PLXNB3: variants seen among roughly 807,000 people sequenced by gnomAD.
PLXNB3 encodes plexin-B3.
PLXNB3 carries 80 observed loss-of-function variants against 125.7 expected under a neutral mutation model. The observed-to-expected ratio is 0.64, with a 90% CI of 0.53 to 0.77. The LOEUF (loss-of-function observed/expected upper bound fraction) is 0.77, where lower values mean the gene tolerates loss of function less well. PLXNB3 is among the 30% of genes least tolerant of loss of function. The probability of loss-of-function intolerance (pLI) is 0.00; values close to 1 mark genes in which losing one functional copy is unlikely to be tolerated. For synonymous variants in PLXNB3, 954 were observed against 783.3 expected (o/e 1.22, Z -3.64); for missense variants, 1,836 against 1,729.3 (o/e 1.06, Z -1.09).
intron 2 of PLXNB3, chrX:153,766,515 C>T (rs1174426629): frequency 1.9e-6 from 2 of 1,035,104 alleles, no homozygotes; most frequent in Admixed American, 9.5e-5. Context: ...CTGTGACTCA[C>T]AGTCCCTCTG....
intron 1 of PLXNB3, among the ~76,000 whole-genome samples, chrX:153,764,508 A>T (rs7888752): frequency 0.016 from 1,855 of 112,784 alleles, 33 homozygotes; most frequent in African/African-American, 0.056. Flanking sequence ...GTGGGGAACC[A>T]TGTTTCTTCC....
intron 23 of PLXNB3, 26 bp downstream of exon 23, chrX:153,774,832 G>A: frequency 8.3e-7 from 1 of 1,209,474 alleles, no homozygotes. Context: ...GGGGGACAGG[G>A]TACCCACGAG....
In PLXNB3 at chrX:153,771,011, T is replaced by C. The variant is rs1195633753; in HGVS notation, c.2183T>C (p.Leu728Pro). 8.3e-7 allele frequency: 1 copy of C among 1,209,755 alleles called. No individual in the cohort carries two copies. The highest frequency in any genetic ancestry group is 1.1e-6 in the Non-Finnish European group (1 of 895,286). ...FHCWLELPGE[L>P]RGLPATLEET... ...TGCTGGCTGGAGCTGCCTGGAGAAC[T>C]TCGGGGACTGCCGGCCACCCTGGAG... is the stretch of plus-strand genomic sequence containing the variant. Residue 728 changes from leucine to proline, a missense_variant, in exon 12 of 36, where the codon CTT (leucine) becomes CCT (proline). By Grantham distance (98) the Leu-to-Pro change is moderately conservative (BLOSUM62 -3). Coordinates refer to ENST00000361971, the MANE Select transcript of PLXNB3 (RefSeq NM_005393.3).
Position 153,778,916 on chromosome X carries a change from C to A in PLXNB3, c.5626-19C>A. The A allele has an allele frequency of 1.8e-6, 2 of 1,134,969 alleles. No individual in the cohort carries two copies. The highest frequency in any genetic ancestry group is 4.2e-5 in the South Asian group (2 of 47,184). 93.5% of individuals were successfully genotyped at this position (1,134,969 alleles called of 1,213,427 possible). The stretch of plus-strand genomic sequence containing the variant: ...GCAGAGGGGCAGGCTCAGACAGGCA[C>A]CCTCCTCTGCCCGGGCAGATTATCA... On this transcript the variant is annotated intron_variant, in intron 35 of 35. Coordinates refer to ENST00000361971, the MANE Select transcript of PLXNB3 (RefSeq NM_005393.3).
In PLXNB3 at chrX:153,767,565, C is replaced by A; in HGVS notation, c.738C>A (p.Phe246Leu). 1 of 1,173,417 alleles carries A rather than the reference C, an allele frequency of 8.5e-7. No individual in the cohort carries two copies. Residue 246 changes from phenylalanine to leucine, a missense_variant, in exon 3 of 36, where the codon TTC (phenylalanine) becomes TTA (leucine). Physicochemically the swap from Phe to Leu is conservative, Grantham distance 22. Transcript: ENST00000361971. ...GAFADARSAY[F>L]VFRRRGARAQ... ...TTGCCGACGCCCGCTCCGCCTACTT[C>A]GTGTTCCGCCGCCGCGGGGCCCGGG...
chrX:153,769,762 G>A (rs782116647), intron 6 of PLXNB3, 45 bp from the exon 7 acceptor site: 8 of 1,174,437 alleles, frequency 6.8e-6, no homozygotes, highest in Non-Finnish European at 9.1e-6. Flanking sequence ...GTCATCCTTG[G>A]AGTCTAGGAC....
rs1177674617 is a variant in PLXNB3, at chrX:153,774,935, C to T, written c.3987C>T (p.Pro1329=). ...LSSDLEGSGI[P]FLDYRTYAER... ...GCGACCTGGAGGGCAGCGGGATCCC[C>T]TTCCTGGACTACCGCACCTACGCCG... The change falls in exon 24 of 36, where the codon CCC becomes CCT. Residue 1329 remains proline, a synonymous_variant. Coordinates refer to ENST00000361971, the MANE Select transcript of PLXNB3 (RefSeq NM_005393.3). The T allele has an allele frequency of 1.7e-6, 2 of 1,190,355 alleles. No homozygotes were observed. The highest frequency in any genetic ancestry group is 4.5e-5 in the Admixed American group (2 of 44,639).
chrX:153,778,145 G>C (rs781928448), intron 32 of PLXNB3, 50 bp downstream of exon 32: 1 of 1,207,281 alleles, frequency 8.3e-7, no homozygotes. Context: ...AGGAGGAAAG[G>C]CTTATGGGGG....
At chrX:153,778,201 A>G in intron 32 of PLXNB3, 60 bp from the exon 33 acceptor site, 1 of 1,195,547 alleles carries the variant, frequency 8.4e-7, no homozygotes, top group Non-Finnish European at 1.1e-6. Context: ...CAGTGGCAGC[A>G]TCATGGGGGC....
At position 153,774,349 on chromosome X, in the gene PLXNB3, G is replaced by T; in HGVS notation, c.3678+5G>T. On this transcript the variant is annotated splice_donor_5th_base_variant and intron_variant, in intron 21 of 35. Coordinates refer to ENST00000361971, the MANE Select transcript of PLXNB3 (RefSeq NM_005393.3). The stretch of plus-strand genomic sequence containing the variant: ...TCCGGCCTGCCACAGTTCGTGGTGA[G>T]TCCGTGCCCTGGGTGGGCAGGTGGA... 8.6e-7 allele frequency: 1 copy of T among 1,156,640 alleles called. No homozygotes were observed.
intron 15 of PLXNB3, 45 bp downstream of exon 15, chrX:153,772,060 A>G: frequency 1.7e-6 from 2 of 1,159,931 alleles, no homozygotes; most frequent in Non-Finnish European, 2.3e-6. Context: ...GCCCTCAGAG[A>G]TGGCCACCCA....
Position 153,778,093 on chromosome X carries a change from C to T in PLXNB3, c.5407C>T (p.Arg1803Trp), listed in dbSNP as rs368531489. The T allele has an allele frequency of 7.2e-5, 87 of 1,209,826 alleles. No individual in the cohort carries two copies. The highest frequency in any genetic ancestry group is 9.6e-5 in the Non-Finnish European group (86 of 895,183). ...TACCACCTCGGAGCATAAAGTGGGC[C>T]GGGTGAGAGCAGTGCCAGCAGCAGC... ...SCTTSEHKVG[R>W]DSPVNKLLYA... Residue 1803 changes from arginine (R) to tryptophan (W), a missense_variant and splice_region_variant, in exon 32 of 36, where the codon CGG becomes TGG. By Grantham distance (101) the Arg-to-Trp change is moderately radical (BLOSUM62 -3). Transcript: ENST00000361971.
rs1184422728 is a variant in PLXNB3 at position 153,773,859 on chromosome X, T to C, written c.3280T>C (p.Cys1094Arg). Residue 1094 changes from cysteine to arginine, a missense_variant and splice_region_variant, in exon 20 of 36, where the codon TGC becomes CGC. By Grantham distance (180) the Cys-to-Arg change is radical. Coordinates refer to ENST00000361971, the MANE Select transcript of PLXNB3 (RefSeq NM_005393.3). ...CIQLGGGLLQ[C>R]STVCSVNSSS... Reference sequence around the variant, plus strand: ...GTGGTCGGCCCTGAATGCCCCACAGTGCTCCACCGTCTGCTCCGTCAACTC... The same window carrying C: ...GTGGTCGGCCCTGAATGCCCCACAGCGCTCCACCGTCTGCTCCGTCAACTC... 1 of 1,210,965 alleles carries C rather than the reference T, an allele frequency of 8.3e-7. No individual in the cohort carries two copies. The highest frequency in any genetic ancestry group is 1.1e-6 in the Non-Finnish European group (1 of 895,433).
rs2091977540 is a variant in PLXNB3 at position 153,775,657 on chromosome X, G to A, written c.4398G>A (p.Leu1466=). Residue 1466 remains leucine (L), a synonymous_variant, in exon 26 of 36, where the codon CTG becomes CTA. Coordinates refer to ENST00000361971, the MANE Select transcript of PLXNB3 (RefSeq NM_005393.3). ...TGTCCATCTGCCTGTACGCCTTCCT[G>A]AGGGTGAGGGGCACTGTCCCGCCTG... The part of the protein sequence containing the change: ...NWLSICLYAF[L]REVAGEPLYM... The A allele has an allele frequency of 4.1e-6, 5 of 1,207,210 alleles. No homozygotes were observed. Among genetic ancestry groups the A allele is most frequent in the Non-Finnish European group, 5.6e-6 (5 of 892,782 alleles).
Position 153,776,066 on chromosome X carries a change from C to T in PLXNB3, c.4581C>T (p.Gly1527=), listed in dbSNP as rs782804495. 22 of 1,193,648 alleles carry T rather than the reference C, an allele frequency of 1.8e-5. No individual in the cohort carries two copies. In the South Asian group the frequency reaches 2.5e-4, roughly 14 times the overall value. The change falls in exon 27 of 36, where the codon GGC becomes GGT. Residue 1527 remains glycine (G), a synonymous_variant. Coordinates refer to ENST00000361971, the MANE Select transcript of PLXNB3 (RefSeq NM_005393.3). The part of the protein sequence containing the change: ...TLMVLVGPGA[G]GAAGSSEMQR... ...TGGTGCTGGTGGGGCCCGGGGCTGGCGGGGCCGCAGGCAGCAGCGAGATGC... is the reference window on the plus strand; with the variant it reads ...TGGTGCTGGTGGGGCCCGGGGCTGGTGGGGCCGCAGGCAGCAGCGAGATGC...
rs782668477 is a variant in PLXNB3 at position 153,776,930 on chromosome X, G to A, written c.4877G>A (p.Arg1626His). 21 of 1,199,180 alleles carry A rather than the reference G, an allele frequency of 1.8e-5. No individual in the cohort carries two copies. The highest frequency in any genetic ancestry group is 2.3e-4 in the Middle Eastern group (1 of 4,312). The change falls in exon 29 of 36, where the codon CGT becomes CAT. Residue 1626 changes from arginine to histidine, a missense_variant. Coordinates refer to ENST00000361971, the MANE Select transcript of PLXNB3 (RefSeq NM_005393.3). ...GTGGGGCTCGTCCCTCAGCTGCACC[G>A]TGGCAGCACCATCTCCCAGAGCCTG... Reference protein sequence around the residue: ...ATVGLVPQLHRGSTISQSLAQ... With the variant: ...ATVGLVPQLHHGSTISQSLAQ...
Position 153,771,900 on chromosome X carries a change from G to T in PLXNB3, c.2554G>T (p.Ala852Ser), listed in dbSNP as rs782371490. Residue 852 changes from alanine (A) to serine (S), a missense_variant, in exon 15 of 36, where the codon GCC (alanine) becomes TCC (serine). Ala to Ser is a moderately conservative substitution (Grantham distance 99, BLOSUM62 1). Coordinates refer to ENST00000361971, the MANE Select transcript of PLXNB3 (RefSeq NM_005393.3). The stretch of plus-strand genomic sequence containing the variant: ...GACCGGTCCCCCTGAGGGAGGCTTG[G>T]CCCTCACCATCCTGGGCTCCAACCT... Reference protein sequence around the residue: ...PLTGPPEGGLALTILGSNLGR... With the variant: ...PLTGPPEGGLSLTILGSNLGR... 2.5e-6 allele frequency: 3 copies of T among 1,208,343 alleles called. No homozygotes were observed. In the African/African-American group the frequency reaches 5.2e-5, roughly 21 times the overall value.
intron 28 of PLXNB3, 146 bp from the exon 29 acceptor site, chrX:153,776,741 G>T (rs1325333858): frequency 1.2e-5 from 4 of 326,245 alleles, no homozygotes; most frequent in Non-Finnish European, 2.0e-5. Flanking sequence ...AGGCAAGGCA[G>T]GGAAGGGCAG....
chrX:153,775,725 G>A lies in PLXNB3; in HGVS notation c.4401+65G>A, dbSNP rs1411211912. 1.1e-5 allele frequency: 12 copies of A among 1,126,191 alleles called. No individual in the cohort carries two copies. The South Asian group carries it at 1.1e-4, about 11-fold the overall frequency. 92.8% of individuals were successfully genotyped at this position (1,126,191 alleles called of 1,213,427 possible). A position where few individuals can be genotyped will look rare whatever the true frequency, so the allele number is the denominator to read the frequency against. ...CAGACTCCTCCCCTCTTGCCATGAG[G>A]GGGCTACTGCCTGCGCCCTACGTGA... On this transcript the variant is annotated intron_variant, in intron 26 of 35. Coordinates refer to ENST00000361971, the MANE Select transcript of PLXNB3 (RefSeq NM_005393.3).
Sources: allele counts gnomAD v4.1 joint callset (sites outside exome capture counted in the v4.1 genomes callset), GRCh38; gene constraint gnomAD v4.1.1; transcripts MANE v1.5; gene names NCBI Gene and HGNC (gene_info 2026-07-23, HGNC 2026-07-21).